SKAP1: variants seen among roughly 807,000 people sequenced by gnomAD.
SKAP1 encodes src kinase associated phosphoprotein 1.
SKAP1 carries 44 observed loss-of-function variants against 58.5 expected under a neutral mutation model. The observed-to-expected ratio is 0.75, with a 90% confidence interval of 0.59 to 0.97. SKAP1 has a LOEUF of 0.97. SKAP1 is among the 50% of genes least tolerant of loss of function. The pLI, the probability that SKAP1 is intolerant of heterozygous loss-of-function variation, is 0.00. For missense variants in SKAP1, 390 were observed against 435.2 expected (o/e 0.90, Z 0.92); for synonymous variants, 127 against 149.7 (o/e 0.85, Z 1.11).
intron 12 of SKAP1, among the ~76,000 whole-genome samples, chr17:48,135,208 A>C (rs890424677): frequency 3.3e-5 from 5 of 152,124 alleles, no homozygotes; most frequent in Admixed American, 6.5e-5. Flanking sequence ...AGCACACTAG[A>C]GTGGGCTCTG....
upstream of SKAP1, chr17:48,430,252 G>C (rs933389558): frequency 1.6e-6 from 1 of 608,302 alleles, no homozygotes; most frequent in Non-Finnish European, 2.3e-6. Context: ...GCCCGGCCGC[G>C]GGGCGGGGCC....
At chr17:48,203,244 CT>C (rs1445293020) in intron 4 of SKAP1, among the ~76,000 whole-genome samples, 1 of 152,246 alleles carries the variant, frequency 6.6e-6, no homozygotes, top group Non-Finnish European at 1.5e-5. Context: ...GCTCAACTTT[CT>C]TTTCTTCTTC....
intron 3 of SKAP1, among the ~76,000 whole-genome samples, chr17:48,358,181 G>T (rs1254758291): frequency 6.6e-6 from 1 of 152,106 alleles, no homozygotes; most frequent in Non-Finnish European, 1.5e-5. Flanking sequence ...TCTTACATTT[G>T]CAAACACGTC....
chr17:48,242,226 A>T (rs558416590), intron 4 of SKAP1, among the ~76,000 whole-genome samples: 1 of 152,254 alleles, frequency 6.6e-6, no homozygotes, highest in African/African-American at 2.4e-5. Flanking sequence ...TCTTTAACTG[A>T]ATTAGCTGTA....
intron 10 of SKAP1, among the ~76,000 whole-genome samples, 174 bp downstream of exon 10, chr17:48,170,435 A>G (rs1598391417): frequency 6.6e-6 from 1 of 152,172 alleles, no homozygotes; most frequent in Non-Finnish European, 1.5e-5. Flanking sequence ...GGCTGCTTTT[A>G]AAGTTTAGGT....
At chr17:48,282,710 G>A (rs2065782181) in intron 4 of SKAP1, among the ~76,000 whole-genome samples, 1 of 151,960 alleles carries the variant, frequency 6.6e-6, no homozygotes, top group Non-Finnish European at 1.5e-5. Flanking sequence ...GGAGGTCAAG[G>A]TTGCAGTGAG....
At chr17:48,156,390 G>A (rs1304689161) in intron 11 of SKAP1, 2 of 339,964 alleles carry the variant, frequency 5.9e-6, no homozygotes, top group Non-Finnish European at 1.2e-5. Context: ...TTTACGAGTC[G>A]CAGGCTCTCA....
intron 4 of SKAP1, among the ~76,000 whole-genome samples, chr17:48,244,970 T>C (rs1265462602): frequency 6.6e-6 from 1 of 152,186 alleles, no homozygotes; most frequent in Non-Finnish European, 1.5e-5. Flanking sequence ...CTAGGAGTAG[T>C]AACTCAATAC....
intron 2 of SKAP1, among the ~76,000 whole-genome samples, chr17:48,383,880 C>G (rs908170930): frequency 2.6e-5 from 4 of 151,900 alleles, no homozygotes; most frequent in Admixed American, 2.6e-4. Context: ...TCATCATGCC[C>G]GGCTAATTTT....
intron 1 of SKAP1, among the ~76,000 whole-genome samples, chr17:48,426,168 T>C (rs1379108759): frequency 6.6e-6 from 1 of 152,232 alleles, no homozygotes; most frequent in Non-Finnish European, 1.5e-5. Context: ...CATTGACTAA[T>C]ACAGATCTGG....
chr17:48,207,128 G>A (rs16953800), intron 4 of SKAP1, among the ~76,000 whole-genome samples: 4,120 of 152,200 alleles, frequency 0.027, 174 homozygotes, highest in African/African-American at 0.092. Context: ...AAGGTACGTG[G>A]CAAAGGAATC....
intron 11 of SKAP1, among the ~76,000 whole-genome samples, chr17:48,139,001 G>A (rs1275641510): frequency 6.6e-6 from 1 of 151,870 alleles, no homozygotes; most frequent in African/African-American, 2.4e-5. Flanking sequence ...TGATTTTCCT[G>A]CCTCAGCCTC....
intron 10 of SKAP1, among the ~76,000 whole-genome samples, chr17:48,167,482 C>T (rs1229872932): frequency 2.6e-5 from 4 of 152,090 alleles, no homozygotes; most frequent in Non-Finnish European, 5.9e-5. Flanking sequence ...CTGTGGTTTC[C>T]CTTTGTTTCT....
chr17:48,225,569 T>G (rs1050203687), intron 4 of SKAP1, among the ~76,000 whole-genome samples: 4 of 152,200 alleles, frequency 2.6e-5, no homozygotes, highest in Non-Finnish European at 4.4e-5. Context: ...ACATGGATTA[T>G]GCGGAGGGCC....
At chr17:48,276,508 A>G (rs1201575372) in intron 4 of SKAP1, among the ~76,000 whole-genome samples, 1 of 152,222 alleles carries the variant, frequency 6.6e-6, no homozygotes, top group East Asian at 1.9e-4. Context: ...ATATCTTCAC[A>G]GTCTGCATCA....
chr17:48,175,526 C>A (rs1046801550), intron 9 of SKAP1, among the ~76,000 whole-genome samples: 2 of 152,228 alleles, frequency 1.3e-5, no homozygotes, highest in African/African-American at 4.8e-5. Context: ...GTTATCTCAA[C>A]TGTTAGCTCA....
intron 9 of SKAP1, among the ~76,000 whole-genome samples, chr17:48,172,622 C>A (rs2064232080): frequency 6.6e-6 from 1 of 152,196 alleles, no homozygotes. Context: ...GCTGAATACT[C>A]AGCTCCTCCT....
At chr17:48,195,914 A>G (rs923014018) in intron 4 of SKAP1, among the ~76,000 whole-genome samples, 1 of 152,154 alleles carries the variant, frequency 6.6e-6, no homozygotes, top group Non-Finnish European at 1.5e-5. Flanking sequence ...GACAAAAAAA[A>G]CCTCTGAGGT....
chr17:48,207,220 C>T (rs1291738958), intron 4 of SKAP1, among the ~76,000 whole-genome samples: 1 of 152,102 alleles, frequency 6.6e-6, no homozygotes, highest in East Asian at 1.9e-4. Flanking sequence ...CATGGTGACT[C>T]ACGCCTGTAA....
Sources: allele counts gnomAD v4.1 joint callset (sites outside exome capture counted in the v4.1 genomes callset), GRCh38; gene constraint gnomAD v4.1.1; transcripts MANE v1.5; gene names NCBI Gene and HGNC (gene_info 2026-07-23, HGNC 2026-07-21).